CKAP5: variants seen among roughly 807,000 people sequenced by gnomAD.
CKAP5 encodes cytoskeleton-associated protein 5.
In CKAP5, 27 loss-of-function variants were observed where a neutral mutation model predicts 232.8. The observed-to-expected ratio is 0.12, with a 90% CI of 0.09 to 0.16. CKAP5 has a LOEUF of 0.16. Among genes scored for constraint, CKAP5 ranks in the 10% least tolerant of loss-of-function variants. The probability of loss-of-function intolerance (pLI) is 1.00; values close to 1 mark genes in which losing one functional copy is unlikely to be tolerated. For synonymous variants in CKAP5, 785 were observed against 841.1 expected (o/e 0.93, Z 1.16); for missense variants, 1,838 against 2,424.7 (o/e 0.76, Z 5.08).
chr11:46,759,787 T>G (rs1248883237), intron 33 of CKAP5, among the ~76,000 whole-genome samples: 1 of 152,238 alleles, frequency 6.6e-6, no homozygotes, highest in African/African-American at 2.4e-5. Flanking sequence ...TCACTACTTA[T>G]GAGCAAATAT....
At chr11:46,821,948 A>G (rs1219375313) in intron 1 of CKAP5, among the ~76,000 whole-genome samples, 2 of 152,094 alleles carry the variant, frequency 1.3e-5, no homozygotes, top group Non-Finnish European at 2.9e-5. Flanking sequence ...CTGAGACAGG[A>G]GAATCGCTTG....
intron 26 of CKAP5, among the ~76,000 whole-genome samples, chr11:46,768,400 A>C (rs1238023837): frequency 2.0e-5 from 3 of 149,556 alleles, no homozygotes; most frequent in Non-Finnish European, 4.4e-5. Context: ...GGGTCCCACT[A>C]TGTTGCCCAG....
intron 16 of CKAP5, among the ~76,000 whole-genome samples, chr11:46,785,404 C>A (rs750819053): frequency 1.3e-5 from 2 of 152,170 alleles, no homozygotes; most frequent in Non-Finnish European, 2.9e-5. Context: ...CAGCTTACTG[C>A]AACCTCTGCC....
At position 46,778,122 on chromosome 11, in the gene CKAP5, C is replaced by G; in HGVS notation, c.2748+17G>C. On this transcript the variant is annotated intron_variant, in intron 22 of 43. Coordinates refer to ENST00000529230, the MANE Select transcript of CKAP5 (RefSeq NM_001008938.4). Reference sequence around the variant, plus strand: ...TGGGGAGGGGAGATAAAAAGAACAGCCGTATGCTCTACATACCAAGATTTT... The same window carrying G: ...TGGGGAGGGGAGATAAAAAGAACAGGCGTATGCTCTACATACCAAGATTTT... The G allele has an allele frequency of 3.7e-6, 6 of 1,606,786 alleles. No homozygotes were observed. The highest frequency in any genetic ancestry group is 5.1e-6 in the Non-Finnish European group (6 of 1,175,424).
intron 14 of CKAP5, 30 bp from the exon 15 acceptor site, chr11:46,790,216 G>C (rs753106210): frequency 1.4e-6 from 2 of 1,465,726 alleles, no homozygotes; most frequent in African/African-American, 2.8e-5. Flanking sequence ...ATTAGAATTA[G>C]GAATTGCTTA....
At chr11:46,765,541 T>C (rs2065195585) in intron 27 of CKAP5, among the ~76,000 whole-genome samples, 1 of 152,188 alleles carries the variant, frequency 6.6e-6, no homozygotes, top group Admixed American at 6.6e-5. Context: ...CACAAACTTT[T>C]TGTTTTTGTT....
chr11:46,842,057 A>G (rs1339493744), intron 1 of CKAP5, among the ~76,000 whole-genome samples: 1 of 151,592 alleles, frequency 6.6e-6, no homozygotes. Context: ...TATCTGTAAC[A>G]GCTAAAATGA....
chr11:46,787,831 C>T (rs1234716599), intron 16 of CKAP5, among the ~76,000 whole-genome samples: 1 of 152,070 alleles, frequency 6.6e-6, no homozygotes, highest in African/African-American at 2.4e-5. Context: ...GTTTGAACTG[C>T]GAAGATCCAC....
chr11:46,817,483 C>T (rs1939429881), intron 3 of CKAP5, among the ~76,000 whole-genome samples: 1 of 152,108 alleles, frequency 6.6e-6, no homozygotes, highest in Non-Finnish European at 1.5e-5. Context: ...GTTGAGATTA[C>T]ATGCAGCATT....
chr11:46,834,745 A>G (rs1015123550), intron 1 of CKAP5, among the ~76,000 whole-genome samples: 2 of 152,150 alleles, frequency 1.3e-5, no homozygotes, highest in East Asian at 1.9e-4. Flanking sequence ...CATATTAAAC[A>G]TTGCTCAAAA....
chr11:46,746,845 A>G (rs1447616466), intron 42 of CKAP5, among the ~76,000 whole-genome samples: 2 of 152,218 alleles, frequency 1.3e-5, no homozygotes, highest in Non-Finnish European at 2.9e-5. Flanking sequence ...TTTCAGCTCC[A>G]GCTGGGTATG....
chr11:46,825,767 G>A (rs972646572), intron 1 of CKAP5, among the ~76,000 whole-genome samples: 3 of 149,008 alleles, frequency 2.0e-5, no homozygotes, highest in Non-Finnish European at 3.0e-5. Context: ...AAAAAAAAAA[G>A]AAATTATTTT....
At chr11:46,765,918 T>C (rs1048744218) in intron 27 of CKAP5, among the ~76,000 whole-genome samples, 3 of 152,222 alleles carry the variant, frequency 2.0e-5, no homozygotes, top group Non-Finnish European at 4.4e-5. Flanking sequence ...TGAAAGCTTT[T>C]CTGTTTCTTT....
chr11:46,744,262 C>G lies in CKAP5; in HGVS notation c.5860G>C (p.Asp1954His). 1 of 1,614,036 alleles carries G rather than the reference C, an allele frequency of 6.2e-7. No individual in the cohort carries two copies. Among genetic ancestry groups the G allele is most frequent in the Admixed American group, 1.7e-5 (1 of 59,992 alleles). ...AAAGAGGTCAAAGGAGGTCGGTCAT[C>G]TTGCTATTGAGAGAAGGAGAGAGAT... ...QRCGLDNTKQ[D>H]DRPPLTSLLS... Residue 1954 changes from aspartate to histidine, a missense_variant, in exon 44 of 44, where the codon GAT becomes CAT. By Grantham distance (81) the Asp-to-His change is moderately conservative. Coordinates refer to ENST00000529230, the MANE Select transcript of CKAP5 (RefSeq NM_001008938.4).
At position 46,759,255 on chromosome 11, in the gene CKAP5, A is replaced by G; in HGVS notation, c.4568+14T>C. The G allele has an allele frequency of 6.2e-7, 1 of 1,607,068 alleles. No homozygotes were observed. The highest frequency in any genetic ancestry group is 1.1e-5 in the South Asian group (1 of 89,894). On this transcript the variant is annotated intron_variant, in intron 34 of 43. Transcript: ENST00000529230. Reference sequence around the variant, plus strand: ...CATGAACTGCTCATATTTAAATGAAAGAGTTTAACTCACTTGGGTTCAGGA... The same window carrying G: ...CATGAACTGCTCATATTTAAATGAAGGAGTTTAACTCACTTGGGTTCAGGA...
chr11:46,790,434 G>A lies in CKAP5; in HGVS notation c.1764+36C>T, dbSNP rs200175949. ...CTTCTCATTGGTCTCACTTTGCAGG[G>A]TTCATGATTTTCAGGCTCAGTGTGT... On this transcript the variant is annotated intron_variant, in intron 14 of 43. Coordinates refer to ENST00000529230, the MANE Select transcript of CKAP5 (RefSeq NM_001008938.4). 5.3e-5 allele frequency: 76 copies of A among 1,437,478 alleles called. No homozygotes were observed. In the East Asian group the frequency reaches 6.1e-4, roughly 12 times the overall value. The allele number at this position is 1,437,478 out of a possible 1,614,324, so 89.0% of individuals were successfully genotyped here.
At position 46,822,109 on chromosome 11, in the gene CKAP5, T is replaced by C. The variant is rs1360103090; in HGVS notation, c.-37-841A>G. The stretch of plus-strand genomic sequence containing the variant: ...GTCTGGGCAACATGGTGGAACCCCA[T>C]CTATACTAAAAACACAAAAATTAGC... On this transcript the variant is annotated intron_variant, in intron 1 of 43. Transcript: ENST00000529230. Among the ~76,000 whole-genome samples the C allele has an allele frequency of 2.0e-5, 3 of 151,840 alleles. No individual in the cohort carries two copies. The East Asian group carries it at 5.9e-4, about 30-fold the overall frequency.
chr11:46,830,906 T>C (rs986134797), intron 1 of CKAP5, among the ~76,000 whole-genome samples: 1 of 151,794 alleles, frequency 6.6e-6, no homozygotes, highest in Non-Finnish European at 1.5e-5. Context: ...CTACTAAAAA[T>C]ACAAAAAAAT....
At chr11:46,841,627 T>C (rs957243591) in intron 1 of CKAP5, among the ~76,000 whole-genome samples, 1 of 152,124 alleles carries the variant, frequency 6.6e-6, no homozygotes, top group Non-Finnish European at 1.5e-5. Flanking sequence ...GTAAAAGTTA[T>C]CCATGGAATC....
Sources: allele counts gnomAD v4.1 joint callset (sites outside exome capture counted in the v4.1 genomes callset), GRCh38; gene constraint gnomAD v4.1.1; transcripts MANE v1.5; gene names NCBI Gene and HGNC (gene_info 2026-07-23, HGNC 2026-07-21).